Variants in SCAF4 observed in about 807,000 individuals in gnomAD.
The protein encoded by SCAF4 is SR-related CTD associated factor 4.
A neutral mutation model predicts 129.8 loss-of-function variants in SCAF4; 25 were observed. The ratio of observed to expected loss-of-function variants is 0.19; its 90% CI spans 0.14 to 0.27. The LOEUF (loss-of-function observed/expected upper bound fraction) is 0.27. SCAF4 is among the 10% of genes least tolerant of loss of function. SCAF4 has a pLI of 1.00. For missense variants in SCAF4, 1,246 were observed against 1,457.1 expected, an observed-to-expected ratio of 0.86 and a Z score of 2.36; for synonymous variants, 551 against 497.7, an observed-to-expected ratio of 1.11 and a Z score of -1.43.
intron 1 of SCAF4, among the ~76,000 whole-genome samples, chr21:31,726,875 C>T (rs1239797658): frequency 6.6e-6 from 1 of 152,078 alleles, no homozygotes; most frequent in Non-Finnish European, 1.5e-5. Flanking sequence ...CACTACACTC[C>T]AGTATCAGAG....
chr21:31,731,017 A>G (rs79943896), intron 1 of SCAF4, among the ~76,000 whole-genome samples: 3 of 152,236 alleles, frequency 2.0e-5, no homozygotes, highest in Non-Finnish European at 2.9e-5. Context: ...CATAGAGCCT[A>G]TAAGAGGGTT....
rs534900074 is a variant in SCAF4, at chr21:31,728,679, T to C, written c.30+2984A>G. 8.5e-5 allele frequency among the ~76,000 whole-genome samples: 13 copies of C among 152,274 alleles called. No individual in the cohort carries two copies. The East Asian group carries it at 1.3e-3, about 16-fold the overall frequency. On this transcript the variant is annotated intron_variant, in intron 1 of 19. Coordinates refer to ENST00000286835, the MANE Select transcript of SCAF4 (RefSeq NM_020706.2). ...TACATATCTAATGCCTGACATGCCA[T>C]TGGTCTTATATTAATTCCTTTTTCT...
intron 9 of SCAF4, 134 bp downstream of exon 9, chr21:31,695,979 C>T (rs796595351): frequency 3.4e-5 from 18 of 522,246 alleles, no homozygotes; most frequent in South Asian, 1.9e-4. Context: ...AAAATAGTTA[C>T]GTGTTCAACA....
intron 19 of SCAF4, among the ~76,000 whole-genome samples, chr21:31,673,024 G>A (rs750092097): frequency 4.0e-4 from 61 of 152,296 alleles, no homozygotes; most frequent in Non-Finnish European, 7.1e-4. Context: ...AGGCCATCAC[G>A]ACCTGAATAA....
chr21:31,671,613 C>G lies in SCAF4; in HGVS notation c.3230G>C (p.Gly1077Ala). Residue 1077 changes from glycine (G) to alanine (A), a missense_variant, in exon 20 of 20, where the codon GGA (glycine) becomes GCA (alanine). Physicochemically the swap from Gly to Ala is moderately conservative, Grantham distance 60 (BLOSUM62 0). This residue lies in a region of SCAF4 where 339 missense variants were observed against 325.0 expected (regional missense o/e 1.04). Transcript: ENST00000286835. Reference protein sequence around the residue: ...ESRREKEEARGKEKPEVTDRA... With the variant: ...ESRREKEEARAKEKPEVTDRA... ...GTCTGTCACCTCAGGCTTTTCCTTT[C>G]CTCGGGCTTCTTCCTTCTCTCTACG... The G allele has an allele frequency of 6.2e-7, 1 of 1,614,158 alleles. No individual in the cohort carries two copies. The highest frequency in any genetic ancestry group is 1.3e-5 in the African/African-American group (1 of 75,026).
At chr21:31,721,186 C>T (rs2051058478) in intron 1 of SCAF4, among the ~76,000 whole-genome samples, 1 of 152,168 alleles carries the variant, frequency 6.6e-6, no homozygotes, top group South Asian at 2.1e-4. Context: ...TACTTTCTGT[C>T]TCTACGGGTT....
chr21:31,717,120 G>C (rs971265753), intron 1 of SCAF4, among the ~76,000 whole-genome samples: 2 of 152,182 alleles, frequency 1.3e-5, no homozygotes, highest in African/African-American at 4.8e-5. Context: ...AAAGCAAAAA[G>C]AGTACTGGGC....
intron 2 of SCAF4, among the ~76,000 whole-genome samples, chr21:31,705,735 C>T (rs568051393): frequency 2.0e-5 from 3 of 152,174 alleles, no homozygotes; most frequent in South Asian, 4.2e-4. Flanking sequence ...TATTTGGCAA[C>T]CTTATGGGAC....
chr21:31,725,891 T>A (rs139484468), intron 1 of SCAF4, among the ~76,000 whole-genome samples: 53 of 152,324 alleles, frequency 3.5e-4, no homozygotes, highest in African/African-American at 1.3e-3. Flanking sequence ...TTACTTTTCA[T>A]TAAAAATGTT....
chr21:31,683,387 T>C (rs558375948), intron 19 of SCAF4, among the ~76,000 whole-genome samples: 14 of 152,328 alleles, frequency 9.2e-5, no homozygotes, highest in South Asian at 4.1e-4. Flanking sequence ...AGAGGTTAAA[T>C]TGTATGTTCA....
At chr21:31,704,453 A>G (rs1034636036) in intron 3 of SCAF4, among the ~76,000 whole-genome samples, 3 of 152,070 alleles carry the variant, frequency 2.0e-5, no homozygotes, top group Non-Finnish European at 4.4e-5. Context: ...GGAAACAGGT[A>G]TAACCCTTTA....
intron 1 of SCAF4, among the ~76,000 whole-genome samples, chr21:31,723,181 A>G (rs1047186173): frequency 1.4e-4 from 22 of 152,314 alleles, no homozygotes; most frequent in African/African-American, 5.3e-4. Context: ...GTAACTGTCT[A>G]CCGAACACAA....
rs1204740731 is a variant in SCAF4 at position 31,721,763 on chromosome 21, G to A, written c.30+9900C>T. 5.0e-5 allele frequency among the ~76,000 whole-genome samples: 6 copies of A among 120,370 alleles called. No individual in the cohort carries two copies. In the Admixed American group the frequency reaches 5.4e-4, roughly 11 times the overall value. The allele number at this position is 120,370 out of a possible 152,430, so 79.0% of individuals were successfully genotyped here. A position where few individuals can be genotyped will look rare whatever the true frequency, so the allele number is the denominator to read the frequency against. Reference sequence around the variant, plus strand: ...TTTTTTTGAGATGGAATCTCGCTCTGTTGCCCGGGCTGGAGTGCACAGGCA... The same window carrying A: ...TTTTTTTGAGATGGAATCTCGCTCTATTGCCCGGGCTGGAGTGCACAGGCA... On this transcript the variant is annotated intron_variant, in intron 1 of 19. Coordinates refer to ENST00000286835, the MANE Select transcript of SCAF4 (RefSeq NM_020706.2).
intron 1 of SCAF4, among the ~76,000 whole-genome samples, chr21:31,714,977 G>C (rs917172801): frequency 1.6e-4 from 24 of 152,180 alleles, no homozygotes; most frequent in African/African-American, 5.8e-4. Flanking sequence ...TCCTCAAATG[G>C]ACAGGGTCCG....
At chr21:31,697,370 TTAAG>T (rs1302333291) in intron 7 of SCAF4, among the ~76,000 whole-genome samples, 1 of 152,200 alleles carries the variant, frequency 6.6e-6, no homozygotes, top group Non-Finnish European at 1.5e-5. Context: ...AAGAACAATT[TTAAG>T]TAAGATTTAT....
At chr21:31,712,220 T>C (rs1206506673) in intron 1 of SCAF4, among the ~76,000 whole-genome samples, 1 of 90,174 alleles carries the variant, frequency 1.1e-5, no homozygotes, top group African/African-American at 3.9e-5. Flanking sequence ...ATTTGTTTGT[T>C]GCTTTTTTTT....
At chr21:31,718,807 C>T (rs2051000870) in intron 1 of SCAF4, among the ~76,000 whole-genome samples, 1 of 152,260 alleles carries the variant, frequency 6.6e-6, no homozygotes, top group African/African-American at 2.4e-5. Context: ...TTCATACTTA[C>T]TTCTTCCTAA....
rs1568867013 is a variant in SCAF4 at position 31,723,324 on chromosome 21, C to T, written c.30+8339G>A. 3.3e-5 allele frequency among the ~76,000 whole-genome samples: 5 copies of T among 151,950 alleles called. No homozygotes were observed. In the South Asian group the frequency reaches 1.0e-3, roughly 32 times the overall value. ...AAAATTGGCCGGGCCCGGTGGCGTG[C>T]ACCTGTAATCTCAGCTACTAGGCAG... On this transcript the variant is annotated intron_variant, in intron 1 of 19. Coordinates refer to ENST00000286835, the MANE Select transcript of SCAF4 (RefSeq NM_020706.2).
intron 4 of SCAF4, among the ~76,000 whole-genome samples, chr21:31,702,904 A>G (rs68039043): frequency 0.057 from 8,637 of 152,182 alleles, 296 homozygotes; most frequent in African/African-American, 0.088. Context: ...TTCTTCCAAG[A>G]ATATAAAAAC....
Sources: gnomAD v4.1 joint callset for allele counts (sites outside exome capture counted in the v4.1 genomes callset) on GRCh38, gnomAD v4.1.1 for gene constraint, gnomAD v4.1.1 regional missense constraint, MANE v1.5 for transcripts, NCBI Gene and HGNC (gene_info 2026-07-23, HGNC 2026-07-21) for gene names.